The following CAMK4 variants were observed in gnomAD, a reference collection of about 807,000 sequenced individuals.
CAMK4 encodes calcium/calmodulin dependent protein kinase IV, also known as calcium/calmodulin-dependent protein kinase type IV.
A neutral mutation model predicts 44.9 loss-of-function variants in CAMK4; 22 were observed. That is an observed-to-expected ratio of 0.49 (90% CI 0.35 to 0.70). The LOEUF (loss-of-function observed/expected upper bound fraction) is 0.70. Ranked by LOEUF, CAMK4 falls within the 30% of genes least tolerant of loss-of-function variation. The pLI is 0.01. For synonymous variants in CAMK4, 218 were observed against 215.4 expected (o/e 1.01, Z -0.11); for missense variants, 498 against 586.8 (o/e 0.85, Z 1.56).
chr5:111,234,200 A>G (rs1482870373), intron 1 of CAMK4, among the ~76,000 whole-genome samples: 2 of 152,206 alleles, frequency 1.3e-5, no homozygotes, highest in African/African-American at 2.4e-5. Context: ...CTTTATGAAA[A>G]GTGAGTTTAA....
intron 2 of CAMK4, among the ~76,000 whole-genome samples, chr5:111,354,829 GC>G (rs35909976): frequency 0.36 from 54,333 of 151,970 alleles, 10,543 homozygotes; most frequent in South Asian, 0.51. Context: ...TCTACACTTT[GC>G]CACTGTGCCC....
intron 1 of CAMK4, among the ~76,000 whole-genome samples, chr5:111,264,865 T>C (rs1651405): frequency 0.33 from 49,695 of 151,884 alleles, 8,684 homozygotes; most frequent in African/African-American, 0.46. Flanking sequence ...TTGATGCTGA[T>C]ACTAGCAATC....
At chr5:111,448,309 T>C (rs977803244) in intron 6 of CAMK4, among the ~76,000 whole-genome samples, 1 of 152,262 alleles carries the variant, frequency 6.6e-6, no homozygotes, top group African/African-American at 2.4e-5. Context: ...AGACTGAATG[T>C]ATTTTCAAGC....
intron 1 of CAMK4, among the ~76,000 whole-genome samples, chr5:111,245,618 A>G (rs2112528482): frequency 6.6e-6 from 1 of 152,320 alleles, no homozygotes; most frequent in South Asian, 2.1e-4. Flanking sequence ...ATTAAATAGC[A>G]GCAAATGAGT....
intron 7 of CAMK4, among the ~76,000 whole-genome samples, chr5:111,457,351 A>C (rs778693488): frequency 2.6e-5 from 4 of 152,330 alleles, no homozygotes; most frequent in South Asian, 2.1e-4. Flanking sequence ...GGAACATATC[A>C]AGCAGACCTT....
intron 7 of CAMK4, among the ~76,000 whole-genome samples, chr5:111,454,129 GACTTT>G (rs1285988565): frequency 2.6e-5 from 4 of 151,996 alleles, no homozygotes; most frequent in Non-Finnish European, 4.4e-5. Flanking sequence ...ACAATACAGA[GACTTT>G]ACTTTGAACT....
intron 1 of CAMK4, among the ~76,000 whole-genome samples, chr5:111,321,248 C>G (rs1748650263): frequency 6.6e-6 from 1 of 152,068 alleles, no homozygotes; most frequent in Non-Finnish European, 1.5e-5. Flanking sequence ...CAGGTCTCAC[C>G]AATGCTGCTG....
chr5:111,252,894 C>G (rs1387979853), intron 1 of CAMK4, among the ~76,000 whole-genome samples: 1 of 152,168 alleles, frequency 6.6e-6, no homozygotes, highest in African/African-American at 2.4e-5. Flanking sequence ...CAGATTTTCA[C>G]CAATCTGACA....
At chr5:111,376,782 T>G in intron 3 of CAMK4, 78 bp from the exon 4 acceptor site, 4 of 810,052 alleles carry the variant, frequency 4.9e-6, no homozygotes, top group South Asian at 3.3e-5. Context: ...GAATGTTGTT[T>G]TAGCCATAGT....
At chr5:111,347,870 C>A (rs1004867475) in intron 2 of CAMK4, among the ~76,000 whole-genome samples, 5 of 151,814 alleles carry the variant, frequency 3.3e-5, no homozygotes, top group African/African-American at 1.2e-4. Flanking sequence ...TAAGGGAGGA[C>A]CTCTAAGATG....
intron 3 of CAMK4, among the ~76,000 whole-genome samples, chr5:111,376,000 C>G (rs1166048980): frequency 1.3e-5 from 2 of 151,992 alleles, no homozygotes; most frequent in Non-Finnish European, 2.9e-5. Context: ...ACAAGATTAC[C>G]CTTAACTGCA....
intron 5 of CAMK4, among the ~76,000 whole-genome samples, chr5:111,433,611 G>C (rs1753539632): frequency 6.6e-6 from 1 of 152,124 alleles, no homozygotes; most frequent in Non-Finnish European, 1.5e-5. Context: ...CCTCTGGATG[G>C]GGAAGTGGTA....
chr5:111,295,988 T>C (rs1442061195), intron 1 of CAMK4, among the ~76,000 whole-genome samples: 1 of 152,244 alleles, frequency 6.6e-6, no homozygotes, highest in Non-Finnish European at 1.5e-5. Flanking sequence ...GTATTAATGG[T>C]ATAATATGAT....
intron 1 of CAMK4, among the ~76,000 whole-genome samples, chr5:111,308,648 A>T (rs1748050517): frequency 6.6e-6 from 1 of 152,200 alleles, no homozygotes; most frequent in African/African-American, 2.4e-5. Context: ...TTATTTAGAG[A>T]GGTTCAGTTT....
intron 1 of CAMK4, among the ~76,000 whole-genome samples, chr5:111,334,502 C>T (rs534575897): frequency 3.6e-4 from 54 of 151,394 alleles, no homozygotes; most frequent in Admixed American, 9.3e-4. Context: ...TTTTAGGTTC[C>T]TGCTCTTTAA....
At chr5:111,393,272 C>T (rs563847682) in intron 4 of CAMK4, among the ~76,000 whole-genome samples, 1 of 152,214 alleles carries the variant, frequency 6.6e-6, no homozygotes, top group African/African-American at 2.4e-5. Flanking sequence ...ACACAATACT[C>T]CCTATAAAAC....
intron 7 of CAMK4, among the ~76,000 whole-genome samples, chr5:111,464,595 T>C (rs1754758490): frequency 6.6e-6 from 1 of 152,114 alleles, no homozygotes; most frequent in South Asian, 2.1e-4. Context: ...TCTATGGAAG[T>C]GGGCATCGAA....
At position 111,490,680 on chromosome 5, in the gene CAMK4, T is replaced by C. The variant is rs534002313; in HGVS notation, c.*6214T>C. The stretch of plus-strand genomic sequence containing the variant: ...TTTAACCTGACCTATTTTATATACC[T>C]ACAATACAGTTAATATGCAGCAGCG... On this transcript the variant is annotated 3_prime_UTR_variant, in exon 11 of 11. Coordinates refer to ENST00000282356, the MANE Select transcript of CAMK4 (RefSeq NM_001744.6). 1.3e-5 allele frequency: 2 copies of C among 152,322 alleles called. No homozygotes were observed. The highest frequency in any genetic ancestry group is 2.9e-5 in the Non-Finnish European group (2 of 68,024). The allele number at this position is 152,322 out of a possible 1,614,324, so 9.4% of individuals were successfully genotyped here.
In CAMK4 at chr5:111,279,512, G is replaced by T. The variant is rs982121670; in HGVS notation, c.161+54868G>T. ...GAGTGGGGAGTAAAATTTTCTCAGAGAGTGATCTTTTTCCTTCATATGATA... is the reference window on the plus strand; with the variant it reads ...GAGTGGGGAGTAAAATTTTCTCAGATAGTGATCTTTTTCCTTCATATGATA... On this transcript the variant is annotated intron_variant, in intron 1 of 10. Coordinates refer to ENST00000282356, the MANE Select transcript of CAMK4 (RefSeq NM_001744.6). Among the ~76,000 whole-genome samples, 3 of 151,418 alleles carry T rather than the reference G, an allele frequency of 2.0e-5. No individual in the cohort carries two copies. The East Asian group carries it at 5.8e-4, about 29-fold the overall frequency.
Sources: allele counts gnomAD v4.1 joint callset (sites outside exome capture counted in the v4.1 genomes callset), GRCh38; gene constraint gnomAD v4.1.1; transcripts MANE v1.5; gene names NCBI Gene and HGNC (gene_info 2026-07-23, HGNC 2026-07-21).